MELK: variants seen among roughly 807,000 people sequenced by gnomAD.
MELK encodes the protein pEg3 kinase.
MELK carries 81 observed loss-of-function variants against 85.0 expected under a neutral mutation model. The ratio of observed to expected loss-of-function variants is 0.95; its 90% CI spans 0.80 to 1.15. The LOEUF is 1.15. Ranked by LOEUF, MELK falls within the 50% of genes most tolerant of loss-of-function variation. The pLI, the probability that MELK is intolerant of heterozygous loss-of-function variation, is 0.00. For missense variants in MELK, 754 were observed against 777.5 expected (o/e 0.97, Z 0.36); for synonymous variants, 252 against 265.0 (o/e 0.95, Z 0.48).
rs928404227 is a variant in MELK at position 36,580,745 on chromosome 9, T to C, written c.-38-899T>C. Among the ~76,000 whole-genome samples, 218 of 151,930 alleles carry C rather than the reference T, an allele frequency of 1.4e-3. 4 individuals are homozygous for C. The highest frequency in any genetic ancestry group is 3.4e-3 in the Middle Eastern group (1 of 294). ...CTTTGAGAAATTTTTTTTTTTTTTT[T>C]TGAGACAAAGTCTGGCTGTTTCGCC... On this transcript the variant is annotated intron_variant, in intron 1 of 17. Coordinates refer to ENST00000298048, the MANE Select transcript of MELK (RefSeq NM_014791.4).
Position 36,629,843 on chromosome 9 carries a change from G to GTTT in MELK, c.667-439_667-437dup, listed in dbSNP as rs11298711. 1.4e-3 allele frequency among the ~76,000 whole-genome samples: 158 copies of GTTT among 111,476 alleles called. 1 individual carries two copies. Among genetic ancestry groups the GTTT allele is most frequent in the Non-Finnish European group, 1.7e-3 (97 of 55,702 alleles). The allele number at this position is 111,476 out of a possible 152,430, so 73.1% of individuals were successfully genotyped here. A position where few individuals can be genotyped will look rare whatever the true frequency, so the allele number is the denominator to read the frequency against. ...GATTTTTTCTTTAAGGCAAGAAATT[G>GTTT]TTTTTTTTTTTTTTTTTTTGTGATG... On this transcript the variant is annotated intron_variant, in intron 8 of 17. Coordinates refer to ENST00000298048, the MANE Select transcript of MELK (RefSeq NM_014791.4).
chr9:36,649,758 G>A (rs1000484911), intron 11 of MELK, among the ~76,000 whole-genome samples: 1 of 151,962 alleles, frequency 6.6e-6, no homozygotes, highest in African/African-American at 2.4e-5. Context: ...GATAGAGCGA[G>A]ACTCTATCTC....
chr9:36,589,072 C>T (rs1028781534), intron 3 of MELK, among the ~76,000 whole-genome samples: 3 of 152,088 alleles, frequency 2.0e-5, no homozygotes, highest in African/African-American at 7.2e-5. Context: ...CCTTTTTATG[C>T]ACATGCAAAT....
intron 11 of MELK, among the ~76,000 whole-genome samples, chr9:36,646,869 G>A (rs571165693): frequency 6.6e-6 from 1 of 152,230 alleles, no homozygotes; most frequent in African/African-American, 2.4e-5. Flanking sequence ...ATTTAACTGG[G>A]GATTTAAGAA....
intron 6 of MELK, among the ~76,000 whole-genome samples, chr9:36,597,888 G>C (rs990376501): frequency 1.3e-5 from 2 of 152,188 alleles, no homozygotes; most frequent in Non-Finnish European, 2.9e-5. Context: ...GTCTGCAGCA[G>C]ATCTCCTGTG....
chr9:36,594,832 G>T, intron 5 of MELK, 61 bp downstream of exon 5: 1 of 1,536,694 alleles, frequency 6.5e-7, no homozygotes, highest in Non-Finnish European at 8.8e-7. Flanking sequence ...TTATTTTTAG[G>T]TTTACAAATG....
chr9:36,669,724 C>T (rs1299219950), intron 15 of MELK, among the ~76,000 whole-genome samples: 1 of 152,184 alleles, frequency 6.6e-6, no homozygotes, highest in Non-Finnish European at 1.5e-5. Context: ...CAGTAAAATA[C>T]AGATATCCTC....
intron 14 of MELK, among the ~76,000 whole-genome samples, chr9:36,668,017 G>A (rs750221123): frequency 6.6e-6 from 1 of 152,166 alleles, no homozygotes; most frequent in Admixed American, 6.6e-5. Flanking sequence ...TGATCCACCT[G>A]CCTCGGCCTC....
intron 10 of MELK, among the ~76,000 whole-genome samples, chr9:36,638,434 C>T (rs1210154349): frequency 3.9e-5 from 6 of 151,944 alleles, no homozygotes; most frequent in Non-Finnish European, 8.8e-5. Flanking sequence ...TACAGGCATG[C>T]GCCACCACGC....
At chr9:36,615,092 C>T (rs1294553490) in intron 8 of MELK, among the ~76,000 whole-genome samples, 3 of 144,764 alleles carry the variant, frequency 2.1e-5, no homozygotes, top group East Asian at 2.1e-4. Flanking sequence ...ACCTCCCTCC[C>T]GGACGGGGCG....
chr9:36,583,429 A>G (rs1366812566), intron 2 of MELK, among the ~76,000 whole-genome samples, 198 bp from the exon 3 acceptor site: 1 of 150,822 alleles, frequency 6.6e-6, no homozygotes, highest in Non-Finnish European at 1.5e-5. Context: ...TTTTTATTAC[A>G]AAGTTTGAGA....
intron 4 of MELK, among the ~76,000 whole-genome samples, chr9:36,591,864 T>A (rs1823624934): frequency 6.6e-6 from 1 of 151,880 alleles, no homozygotes. Flanking sequence ...AGATATAGGC[T>A]ACAGTGAGCT....
chr9:36,673,467 T>C (rs1446308741), intron 16 of MELK, among the ~76,000 whole-genome samples: 1 of 152,244 alleles, frequency 6.6e-6, no homozygotes, highest in Non-Finnish European at 1.5e-5. Context: ...CTTGCTCTGC[T>C]GCCCAGGCTG....
At position 36,671,177 on chromosome 9, in the gene MELK, T is replaced by C; in HGVS notation, c.1674+11T>C. On this transcript the variant is annotated intron_variant, in intron 16 of 17. Transcript: ENST00000298048. ...CCCAGAAGACTAAAGGTAAGCAGGCTGGAATTCTTTCATATGGAGCAGAAG... is the reference window on the plus strand; with the variant it reads ...CCCAGAAGACTAAAGGTAAGCAGGCCGGAATTCTTTCATATGGAGCAGAAG... 1 of 1,555,650 alleles carries C rather than the reference T, an allele frequency of 6.4e-7. No homozygotes were observed. The highest frequency in any genetic ancestry group is 8.7e-7 in the Non-Finnish European group (1 of 1,152,380).
rs1452717393 is a variant in MELK, at chr9:36,665,357, A to G, written c.1184A>G (p.Lys395Arg). The G allele has an allele frequency of 2.5e-6, 4 of 1,594,030 alleles. No homozygotes were observed. Among genetic ancestry groups the G allele is most frequent in the Admixed American group, 3.5e-5 (2 of 56,502 alleles). The stretch of plus-strand genomic sequence containing the variant: ...GTAACTTTTTTTTTCCAGTTTACCA[A>G]GTACTGGACAGAATCAAATGGGGTG... The part of the protein sequence containing the change: ...AATPRTSQFT[K>R]YWTESNGVES... The change falls in exon 14 of 18, where the codon AAG becomes AGG. Residue 395 changes from lysine (K) to arginine (R), a missense_variant. Physicochemically the swap from Lys to Arg is conservative, Grantham distance 26. Transcript: ENST00000298048.
At chr9:36,608,793 G>T (rs906701191) in intron 8 of MELK, among the ~76,000 whole-genome samples, 6 of 151,994 alleles carry the variant, frequency 3.9e-5, no homozygotes, top group African/African-American at 1.4e-4. Flanking sequence ...ATGTTGGTCA[G>T]GCTGGTCTCG....
chr9:36,578,730 A>G (rs1821895778), intron 1 of MELK, among the ~76,000 whole-genome samples: 1 of 152,224 alleles, frequency 6.6e-6, no homozygotes, highest in Non-Finnish European at 1.5e-5. Context: ...GATTACTGGC[A>G]GGGCTGATTT....
intron 8 of MELK, among the ~76,000 whole-genome samples, chr9:36,615,339 G>A (rs1184653769): frequency 2.3e-5 from 3 of 129,684 alleles, no homozygotes; most frequent in Admixed American, 7.6e-5. Context: ...CTGGCCGGGC[G>A]GGGGGCTGAC....
At position 36,638,731 on chromosome 9, in the gene MELK, C is replaced by T. The variant is rs140178503; in HGVS notation, c.835-4266C>T. Among the ~76,000 whole-genome samples, 240 of 152,280 alleles carry T rather than the reference C, an allele frequency of 1.6e-3. 1 individual carries two copies. The highest frequency in any genetic ancestry group is 5.6e-3 in the African/African-American group (232 of 41,548). On this transcript the variant is annotated intron_variant, in intron 10 of 17. Transcript: ENST00000298048. ...GGATAGTACCTTTAAGAGTCAGGCA[C>T]TATCCTATGGGCTTTATGTTGTGTT...
Sources: allele counts gnomAD v4.1 joint callset (sites outside exome capture counted in the v4.1 genomes callset), GRCh38; gene constraint gnomAD v4.1.1; transcripts MANE v1.5; gene names NCBI Gene and HGNC (gene_info 2026-07-23, HGNC 2026-07-21).